Variants in WWOX observed in about 807,000 individuals in gnomAD.
WWOX encodes WW domain containing oxidoreductase.
WWOX carries 69 observed loss-of-function variants against 46.2 expected under a neutral mutation model. The ratio of observed to expected loss-of-function variants is 1.49; its 90% CI spans 1.23 to 1.82. The LOEUF (loss-of-function observed/expected upper bound fraction) is 1.82. WWOX is among the 40% of genes most tolerant of loss of function. The pLI, the probability that WWOX is intolerant of heterozygous loss-of-function variation, is 0.00. For synonymous variants in WWOX, 359 were observed against 202.6 expected (o/e 1.77, Z -6.56); for missense variants, 919 against 542.6 (o/e 1.69, Z -6.89).
intron 8 of WWOX, among the ~76,000 whole-genome samples, chr16:78,722,992 T>C (rs562071862): frequency 2.6e-5 from 4 of 152,158 alleles, no homozygotes; most frequent in African/African-American, 9.6e-5. Flanking sequence ...CAGTGAGCCA[T>C]GATCACACTG....
At chr16:78,587,880 A>G (rs911962739) in intron 8 of WWOX, among the ~76,000 whole-genome samples, 1 of 152,222 alleles carries the variant, frequency 6.6e-6, no homozygotes, top group African/African-American at 2.4e-5. Context: ...TTCCTAAGTG[A>G]CATCCTTTTT....
intron 4 of WWOX, among the ~76,000 whole-genome samples, chr16:78,144,450 C>T (rs4990748): frequency 0.53 from 12,715 of 23,794 alleles, 4,475 homozygotes; most frequent in African/African-American, 0.69. Context: ...TATATATACA[C>T]ATATATATAT....
chr16:78,868,845 C>T (rs1050076833), intron 8 of WWOX, among the ~76,000 whole-genome samples: 2 of 152,204 alleles, frequency 1.3e-5, no homozygotes, highest in South Asian at 4.1e-4. Flanking sequence ...AGTCCTTATG[C>T]TATCTCATTG....
intron 8 of WWOX, among the ~76,000 whole-genome samples, chr16:78,656,711 A>T (rs772305055): frequency 6.6e-6 from 1 of 152,180 alleles, no homozygotes; most frequent in Non-Finnish European, 1.5e-5. Flanking sequence ...TCCCAACCAT[A>T]TCGGCACCCA....
intron 6 of WWOX, among the ~76,000 whole-genome samples, chr16:78,420,575 C>A (rs937293528): frequency 6.6e-6 from 1 of 151,034 alleles, no homozygotes; most frequent in Admixed American, 6.6e-5. Flanking sequence ...ATAGGCGAAT[C>A]TATAGGACAG....
intron 8 of WWOX, among the ~76,000 whole-genome samples, chr16:78,648,038 C>G (rs760010081): frequency 4.6e-5 from 7 of 152,148 alleles, no homozygotes; most frequent in Non-Finnish European, 1.0e-4. Context: ...CCTATCTGTA[C>G]CCCACACTTA....
At chr16:79,140,572 C>T (rs1169589051) in intron 8 of WWOX, among the ~76,000 whole-genome samples, 2 of 152,180 alleles carry the variant, frequency 1.3e-5, no homozygotes, top group Non-Finnish European at 2.9e-5. Flanking sequence ...AAACCTCTCT[C>T]AGCATTGACC....
At chr16:78,997,326 A>G (rs1026602479) in intron 8 of WWOX, among the ~76,000 whole-genome samples, 2 of 152,144 alleles carry the variant, frequency 1.3e-5, no homozygotes, top group Admixed American at 6.5e-5. Flanking sequence ...TTTGGAAATA[A>G]CGTACCTCTT....
At chr16:78,294,787 T>C (rs9933406) in intron 5 of WWOX, among the ~76,000 whole-genome samples, 113,113 of 151,798 alleles carry the variant, frequency 0.75, 43,561 homozygotes, top group East Asian at 0.99. Context: ...GAAGGAAGGA[T>C]GGGAAGGAGG....
intron 8 of WWOX, among the ~76,000 whole-genome samples, chr16:78,869,515 A>G (rs561708912): frequency 1.3e-5 from 2 of 152,336 alleles, no homozygotes; most frequent in South Asian, 4.1e-4. Context: ...GAAGGATGTA[A>G]AATAGGATTC....
At chr16:78,578,252 T>TTATATATATATATATATATA (rs1567657205) in intron 8 of WWOX, among the ~76,000 whole-genome samples, 1 of 38,100 alleles carries the variant, frequency 2.6e-5, no homozygotes, top group African/African-American at 9.4e-5. Flanking sequence ...GCATACCAAA[T>TTATATATATATATATATATA]TTTATATATA....
At chr16:78,527,819 G>T (rs1274644208) in intron 8 of WWOX, among the ~76,000 whole-genome samples, 1 of 151,470 alleles carries the variant, frequency 6.6e-6, no homozygotes, top group East Asian at 1.9e-4. Context: ...GTAGAGGATA[G>T]GGGGGAAAAG....
intron 8 of WWOX, among the ~76,000 whole-genome samples, chr16:79,034,167 A>G (rs576546211): frequency 2.0e-4 from 30 of 152,242 alleles, no homozygotes; most frequent in Non-Finnish European, 3.4e-4. Context: ...TTCTCCATCT[A>G]TAACATTTCC....
chr16:78,865,384 G>T (rs1013323808), intron 8 of WWOX, among the ~76,000 whole-genome samples: 5 of 152,102 alleles, frequency 3.3e-5, no homozygotes, highest in African/African-American at 1.2e-4. Flanking sequence ...GCAGATAGAG[G>T]TCAACACCAT....
chr16:78,669,519 C>T (rs949549872), intron 8 of WWOX, among the ~76,000 whole-genome samples: 8 of 152,150 alleles, frequency 5.3e-5, no homozygotes, highest in South Asian at 4.1e-4. Flanking sequence ...TCCTACAATC[C>T]ATAGGACAGT....
intron 8 of WWOX, among the ~76,000 whole-genome samples, chr16:78,830,781 C>T (rs1025428412): frequency 2.6e-5 from 4 of 151,808 alleles, no homozygotes; most frequent in Non-Finnish European, 5.9e-5. Context: ...TCAGGGCCCC[C>T]TGGGAGTCAG....
At chr16:78,720,486 T>C (rs2048663857) in intron 8 of WWOX, among the ~76,000 whole-genome samples, 2 of 147,506 alleles carry the variant, frequency 1.4e-5, no homozygotes, top group Non-Finnish European at 3.0e-5. Flanking sequence ...TTTTTTTTTA[T>C]GACACTTTTC....
chr16:78,906,079 T>C (rs1471485142), intron 8 of WWOX, among the ~76,000 whole-genome samples: 1 of 152,232 alleles, frequency 6.6e-6, no homozygotes, highest in African/African-American at 2.4e-5. Flanking sequence ...TTTTGTCTTC[T>C]TGGTTAGGGA....
intron 8 of WWOX, among the ~76,000 whole-genome samples, chr16:78,540,451 G>C (rs543520842): frequency 1.3e-5 from 2 of 152,184 alleles, no homozygotes; most frequent in Non-Finnish European, 2.9e-5. Flanking sequence ...TCTTCTCATG[G>C]GCATTACTAG....
Sources: gnomAD v4.1 joint callset for allele counts (sites outside exome capture counted in the v4.1 genomes callset) on GRCh38, gnomAD v4.1.1 for gene constraint, MANE v1.5 for transcripts, NCBI Gene and HGNC (gene_info 2026-07-23, HGNC 2026-07-21) for gene names.